Variants in NDUFAF5 observed in about 807,000 individuals in gnomAD.
NDUFAF5 encodes arginine-hydroxylase NDUFAF5, mitochondrial.
A neutral mutation model predicts 48.9 loss-of-function variants in NDUFAF5; 34 were observed. That is an observed-to-expected ratio of 0.70 (90% CI 0.53 to 0.93). The LOEUF (loss-of-function observed/expected upper bound fraction) is 0.93. Among genes scored for constraint, NDUFAF5 ranks in the 40% least tolerant of loss-of-function variants. The pLI is 0.00. For synonymous variants in NDUFAF5, 153 were observed against 150.6 expected, an observed-to-expected ratio of 1.02 and a Z score of -0.12; for missense variants, 428 against 427.5, an observed-to-expected ratio of 1.00 and a Z score of -0.01.
At chr20:13,811,638 A>G (rs1051374279) in intron 8 of NDUFAF5, among the ~76,000 whole-genome samples, 1 of 152,184 alleles carries the variant, frequency 6.6e-6, no homozygotes, top group African/African-American at 2.4e-5. Flanking sequence ...ATGGCTTGGA[A>G]GAGGCTTCAA....
At chr20:13,812,666 T>TA (rs1346727492) in intron 8 of NDUFAF5, among the ~76,000 whole-genome samples, 4 of 152,192 alleles carry the variant, frequency 2.6e-5, no homozygotes, top group Non-Finnish European at 5.9e-5. Flanking sequence ...ACCCTAATTT[T>TA]ACCGGTGAGC....
At chr20:13,805,160 G>A (rs1249439557) in intron 7 of NDUFAF5, among the ~76,000 whole-genome samples, 1 of 152,118 alleles carries the variant, frequency 6.6e-6, no homozygotes, top group African/African-American at 2.4e-5. Flanking sequence ...GTAGGGCTGG[G>A]ATGGTGTGGC....
In NDUFAF5 at chr20:13,794,770, C is replaced by T. The variant is rs76891226; in HGVS notation, c.376-68C>T. On this transcript the variant is annotated intron_variant, in intron 4 of 10. Transcript: ENST00000378106. ...ATAACATTGACTTCAATTTAACAAA[C>T]AGTGATTGTGTTAGTAATTGAGATT... 0.017 allele frequency: 16,417 copies of T among 977,026 alleles called. 192 individuals carry two copies. The highest frequency in any genetic ancestry group is 0.022 in the Non-Finnish European group (13,638 of 618,634). 60.5% of individuals were successfully genotyped at this position (977,026 alleles called of 1,614,324 possible).
Position 13,817,777 on chromosome 20 carries a change from G to T in NDUFAF5, c.*567G>T, listed in dbSNP as rs1394373448. 3 of 453,972 alleles carry T rather than the reference G, an allele frequency of 6.6e-6. No homozygotes were observed. The highest frequency in any genetic ancestry group is 6.8e-4 in the Middle Eastern group (1 of 1,466). The allele number at this position is 453,972 out of a possible 1,614,324, so 28.1% of individuals were successfully genotyped here. The stretch of plus-strand genomic sequence containing the variant: ...GAAAACATTTTAAAGAATACCAGAA[G>T]TAGAATCACATGTAACAGTCTCTGC... On this transcript the variant is annotated 3_prime_UTR_variant, in exon 11 of 11. Transcript: ENST00000378106.
intron 1 of NDUFAF5, among the ~76,000 whole-genome samples, chr20:13,785,749 A>G (rs1390252087): frequency 6.6e-6 from 1 of 152,244 alleles, no homozygotes; most frequent in South Asian, 2.1e-4. Flanking sequence ...ATAGTGACTT[A>G]GTATGAAAAA....
rs1324969601 is a variant in NDUFAF5 at position 13,818,942 on chromosome 20, T to C, written c.*1732T>C. The C allele has an allele frequency of 6.6e-5, 10 of 152,260 alleles. No homozygotes were observed. The highest frequency in any genetic ancestry group is 1.3e-4 in the Non-Finnish European group (9 of 68,060). 9.4% of individuals were successfully genotyped at this position (152,260 alleles called of 1,614,324 possible). On this transcript the variant is annotated 3_prime_UTR_variant, in exon 11 of 11. Transcript: ENST00000378106. ...ATTTTCCAAGCAAGAATATTACTTT[T>C]GCTTATTTAATGTCAACGGAATTAT...
chr20:13,788,690 A>G (rs1172436337), intron 3 of NDUFAF5, 38 bp downstream of exon 3: 7 of 1,325,536 alleles, frequency 5.3e-6, no homozygotes, highest in Non-Finnish European at 7.6e-6. Flanking sequence ...TTTGAAAAGT[A>G]ACATTGGCTA....
chr20:13,803,006 T>C (rs1430009121), intron 7 of NDUFAF5: 2 of 152,238 alleles, frequency 1.3e-5, no homozygotes, highest in Non-Finnish European at 2.9e-5. Flanking sequence ...TAGGAATTTC[T>C]TGATGAAGAA....
At chr20:13,810,285 A>G (rs1025073265) in intron 8 of NDUFAF5, among the ~76,000 whole-genome samples, 9 of 152,206 alleles carry the variant, frequency 5.9e-5, no homozygotes, top group African/African-American at 1.7e-4. Context: ...AAAACACCAG[A>G]AAAGTGTAGA....
At position 13,819,715 on chromosome 20, in the gene NDUFAF5, G is replaced by A. The variant is rs1411422966; in HGVS notation, c.*2505G>A. The A allele has an allele frequency of 6.6e-6, 1 of 152,190 alleles. No individual in the cohort carries two copies. The highest frequency in any genetic ancestry group is 1.9e-4 in the East Asian group (1 of 5,192). 9.4% of individuals were successfully genotyped at this position (152,190 alleles called of 1,614,324 possible). A position where few individuals can be genotyped will look rare whatever the true frequency, so the allele number is the denominator to read the frequency against. On this transcript the variant is annotated 3_prime_UTR_variant, in exon 11 of 11. Transcript: ENST00000378106. ...ACAGATAATATCATAAACTCAAGTT[G>A]TCTGTATTGCTTCTTCCCAGACTGG...
intron 3 of NDUFAF5, among the ~76,000 whole-genome samples, chr20:13,789,124 C>T (rs897762398): frequency 6.6e-6 from 1 of 152,182 alleles, no homozygotes; most frequent in African/African-American, 2.4e-5. Flanking sequence ...TCTTTTAGCT[C>T]CTATCTATAC....
chr20:13,793,395 T>C (rs982415983), intron 4 of NDUFAF5, among the ~76,000 whole-genome samples, 168 bp downstream of exon 4: 4 of 152,144 alleles, frequency 2.6e-5, no homozygotes, highest in Non-Finnish European at 2.9e-5. Flanking sequence ...TCACCCCTAG[T>C]CCTACCATTC....
Position 13,801,630 on chromosome 20 carries a change from G to A in NDUFAF5, c.664G>A (p.Val222Ile). The change falls in exon 7 of 11, where the codon GTC becomes ATC. Residue 222 changes from valine to isoleucine, a missense_variant. By Grantham distance (29) the Val-to-Ile change is conservative (BLOSUM62 3). Transcript: ENST00000378106. ...FSPHISPFTA[V>I]NDLGHLLGRA... Reference sequence around the variant, plus strand: ...TCCACACATTTCTCCTTTCACTGCTGTCAATGACCTGGGACATCTGCTTGG... The same window carrying A: ...TCCACACATTTCTCCTTTCACTGCTATCAATGACCTGGGACATCTGCTTGG... 1 of 1,614,058 alleles carries A rather than the reference G, an allele frequency of 6.2e-7. No homozygotes were observed.
chr20:13,787,030 T>C (rs1981287020), intron 1 of NDUFAF5: 2 of 476,560 alleles, frequency 4.2e-6, no homozygotes, highest in Non-Finnish European at 7.7e-6. Flanking sequence ...CCTTGTGATC[T>C]TATGTCACAT....
At chr20:13,790,673 T>C (rs1982135080) in intron 3 of NDUFAF5, among the ~76,000 whole-genome samples, 1 of 152,212 alleles carries the variant, frequency 6.6e-6, no homozygotes, top group Non-Finnish European at 1.5e-5. Context: ...TATAAGACCC[T>C]CAGGATTCTG....
At chr20:13,799,170 A>G (rs577685952) in intron 6 of NDUFAF5, among the ~76,000 whole-genome samples, 7 of 152,292 alleles carry the variant, frequency 4.6e-5, no homozygotes, top group Admixed American at 2.6e-4. Context: ...GTGAGGTGTG[A>G]TGTATTGGGA....
At chr20:13,800,157 A>G (rs1175312384) in intron 6 of NDUFAF5, among the ~76,000 whole-genome samples, 2 of 152,056 alleles carry the variant, frequency 1.3e-5, no homozygotes, top group African/African-American at 2.4e-5. Context: ...TAGGGATTGG[A>G]AAGTGGTCAT....
chr20:13,803,967 G>T (rs1348428350), intron 7 of NDUFAF5, among the ~76,000 whole-genome samples: 2 of 151,944 alleles, frequency 1.3e-5, no homozygotes, highest in Admixed American at 1.3e-4. Flanking sequence ...TGTATTTTTA[G>T]TAGAGATGGG....
intron 5 of NDUFAF5, among the ~76,000 whole-genome samples, chr20:13,797,197 A>G (rs749257512): frequency 2.0e-5 from 3 of 152,178 alleles, no homozygotes; most frequent in Non-Finnish European, 2.9e-5. Context: ...TTCCTACAAA[A>G]CTAAACATAC....
Sources: gnomAD v4.1 joint callset for allele counts (sites outside exome capture counted in the v4.1 genomes callset) on GRCh38, gnomAD v4.1.1 for gene constraint, MANE v1.5 for transcripts, NCBI Gene and HGNC (gene_info 2026-07-23, HGNC 2026-07-21) for gene names.